FRMD3: variants seen among roughly 807,000 people sequenced by gnomAD.
FRMD3 encodes FERM domain containing 3, also known as FERM domain-containing protein 3.
A neutral mutation model predicts 70.2 loss-of-function variants in FRMD3; 33 were observed. The observed-to-expected ratio is 0.47, with a 90% CI of 0.36 to 0.63. The LOEUF (loss-of-function observed/expected upper bound fraction) is 0.63. Ranked by LOEUF, FRMD3 falls within the 20% of genes least tolerant of loss-of-function variation. The pLI is 0.00. For missense variants in FRMD3, 632 were observed against 711.4 expected (o/e 0.89, Z 1.27); for synonymous variants, 279 against 255.9 (o/e 1.09, Z -0.86).
intron 1 of FRMD3, among the ~76,000 whole-genome samples, chr9:83,506,794 C>T (rs988389782): frequency 1.3e-5 from 2 of 152,138 alleles, no homozygotes; most frequent in Admixed American, 6.5e-5. Flanking sequence ...AACTTTTTGA[C>T]TTTTGTAATA....
chr9:83,353,053 A>G (rs1210483237), intron 3 of FRMD3, among the ~76,000 whole-genome samples: 1 of 152,138 alleles, frequency 6.6e-6, no homozygotes, highest in Non-Finnish European at 1.5e-5. Flanking sequence ...GGCACTTTTC[A>G]AGTTTAACAT....
At chr9:83,345,090 T>C (rs908037881) in intron 4 of FRMD3, among the ~76,000 whole-genome samples, 1 of 152,198 alleles carries the variant, frequency 6.6e-6, no homozygotes, top group East Asian at 1.9e-4. Flanking sequence ...GAAAGCACAC[T>C]GGATCCATTG....
chr9:83,423,112 A>G (rs1044842037), intron 1 of FRMD3, among the ~76,000 whole-genome samples: 14 of 152,372 alleles, frequency 9.2e-5, no homozygotes, highest in African/African-American at 3.4e-4. Context: ...AGATATATAC[A>G]TTATAGATGG....
At chr9:83,346,687 T>A (rs544635723) in intron 4 of FRMD3, among the ~76,000 whole-genome samples, 1 of 152,372 alleles carries the variant, frequency 6.6e-6, no homozygotes, top group South Asian at 2.1e-4. Context: ...ATAAACTATT[T>A]TGAAAATCCA....
chr9:83,336,229 T>A (rs939189672), intron 5 of FRMD3, among the ~76,000 whole-genome samples: 11 of 152,174 alleles, frequency 7.2e-5, no homozygotes, highest in African/African-American at 2.7e-4. Context: ...TATGAGGTAA[T>A]GTATATGTAA....
At chr9:83,572,318 C>G in the FRMD3 span, among the ~76,000 whole-genome samples, 1 of 152,042 alleles carries the variant, frequency 6.6e-6, no homozygotes, top group Non-Finnish European at 1.5e-5. Flanking sequence ...AATCCTTGAG[C>G]TGGTGAGAGG....
chr9:83,400,527 ACAGT>A (rs1825924709), intron 1 of FRMD3, among the ~76,000 whole-genome samples: 2 of 152,194 alleles, frequency 1.3e-5, no homozygotes, highest in African/African-American at 4.8e-5. Context: ...TGGGATATTG[ACAGT>A]CAGATTCTGA....
chr9:83,278,871 C>A (rs577324292), intron 13 of FRMD3, among the ~76,000 whole-genome samples: 1 of 152,228 alleles, frequency 6.6e-6, no homozygotes, highest in African/African-American at 2.4e-5. Context: ...ACAGAGAGAG[C>A]AAACTAAGGG....
At chr9:83,381,854 A>G (rs1825365964) in intron 2 of FRMD3, among the ~76,000 whole-genome samples, 1 of 152,190 alleles carries the variant, frequency 6.6e-6, no homozygotes, top group Non-Finnish European at 1.5e-5. Context: ...TCTCTTTCAC[A>G]ACTACTCAAC....
At chr9:83,326,940 C>G (rs1218272022) in intron 6 of FRMD3, among the ~76,000 whole-genome samples, 1 of 152,180 alleles carries the variant, frequency 6.6e-6, no homozygotes, top group Non-Finnish European at 1.5e-5. Context: ...CAAAAAGGAA[C>G]AATTTCCCTT....
chr9:83,483,211 A>C (rs992079060), intron 1 of FRMD3, among the ~76,000 whole-genome samples: 3 of 152,140 alleles, frequency 2.0e-5, no homozygotes, highest in Admixed American at 6.5e-5. Context: ...TAAATTGTGT[A>C]GCGCTTCCCC....
At chr9:83,492,998 C>T (rs796328537) in intron 1 of FRMD3, among the ~76,000 whole-genome samples, 1 of 152,288 alleles carries the variant, frequency 6.6e-6, no homozygotes, top group African/African-American at 2.4e-5. Flanking sequence ...GCCACTCTTG[C>T]AGATGCCTCC....
chr9:83,516,563 C>T (rs1587508465), intron 1 of FRMD3, among the ~76,000 whole-genome samples: 1 of 152,096 alleles, frequency 6.6e-6, no homozygotes, highest in South Asian at 2.1e-4. Flanking sequence ...AACAGATCAA[C>T]GAGACAGAAA....
intron 13 of FRMD3, among the ~76,000 whole-genome samples, chr9:83,258,095 A>G (rs1190100964): frequency 6.6e-6 from 1 of 152,232 alleles, no homozygotes; most frequent in African/African-American, 2.4e-5. Context: ...TGTACAGTCA[A>G]GCAGGTTGGA....
chr9:83,584,132 G>A, the FRMD3 span, among the ~76,000 whole-genome samples: 4 of 152,094 alleles, frequency 2.6e-5, no homozygotes, highest in Admixed American at 6.5e-5. Flanking sequence ...TCAAGAGATC[G>A]AGACCATCTT....
At chr9:83,525,730 C>G (rs1180147085) in intron 1 of FRMD3, among the ~76,000 whole-genome samples, 1 of 152,186 alleles carries the variant, frequency 6.6e-6, no homozygotes, top group Non-Finnish European at 1.5e-5. Context: ...CAGAAAAGTG[C>G]TTTTCCACTG....
Position 83,290,676 on chromosome 9 carries a change from G to A in FRMD3, c.1122C>T (p.Ile374=). 6.2e-7 allele frequency: 1 copy of A among 1,613,960 alleles called. No individual in the cohort carries two copies. The highest frequency in any genetic ancestry group is 8.5e-7 in the Non-Finnish European group (1 of 1,179,906). Residue 374 remains isoleucine (I), a synonymous_variant, in exon 13 of 14, where the codon ATC becomes ATT. Coordinates refer to ENST00000304195, the MANE Select transcript of FRMD3 (RefSeq NM_174938.6). ...RSSHSLNKQL[I]INMEPLQPLL... is the part of the protein sequence containing the mutation. ...GGGGCTGCAGGGGTTCCATGTTAATGATGAGCTGTTTGTTCAAGGAGTGGG... is the reference window on the plus strand; with the variant it reads ...GGGGCTGCAGGGGTTCCATGTTAATAATGAGCTGTTTGTTCAAGGAGTGGG...
At chr9:83,341,077 C>T (rs1442518186) in intron 5 of FRMD3, among the ~76,000 whole-genome samples, 1 of 152,196 alleles carries the variant, frequency 6.6e-6, no homozygotes, top group East Asian at 1.9e-4. Flanking sequence ...TTCCCTATTA[C>T]TCTGTAAGAA....
In FRMD3 at chr9:83,481,036, A is replaced by T. The variant is rs186053873; in HGVS notation, c.147+57049T>A. ...TTTTAAATGCTTTACATGAAAACAC[A>T]TAGATGCAAGAAAATTAAATAGAAA... On this transcript the variant is annotated intron_variant, in intron 1 of 13. Transcript: ENST00000304195. 5.3e-5 allele frequency among the ~76,000 whole-genome samples: 8 copies of T among 152,360 alleles called. No homozygotes were observed. In the East Asian group the frequency reaches 1.5e-3, roughly 29 times the overall value.
Sources: gnomAD v4.1 joint callset for allele counts (sites outside exome capture counted in the v4.1 genomes callset) on GRCh38, gnomAD v4.1.1 for gene constraint, MANE v1.5 for transcripts, NCBI Gene and HGNC (gene_info 2026-07-23, HGNC 2026-07-21) for gene names.